PPARD: variants seen among roughly 807,000 people sequenced by gnomAD.
The protein encoded by PPARD is peroxisome proliferator-activated receptor delta.
Under a neutral mutation model 39.5 loss-of-function variants are expected in PPARD, and 6 were observed. That is an observed-to-expected ratio of 0.15 (90% CI 0.08 to 0.30). The LOEUF (loss-of-function observed/expected upper bound fraction) is 0.30, where lower values mean the gene tolerates loss of function less well. Among genes scored for constraint, PPARD ranks in the 10% least tolerant of loss-of-function variants. PPARD has a pLI of 1.00. For synonymous variants in PPARD, 210 were observed against 231.3 expected, an observed-to-expected ratio of 0.91 and a Z score of 0.83; for missense variants, 397 against 596.8, an observed-to-expected ratio of 0.67 and a Z score of 3.49.
intron 2 of PPARD, among the ~76,000 whole-genome samples, chr6:35,406,080 C>T (rs1435524637): frequency 5.3e-5 from 8 of 152,016 alleles, no homozygotes; most frequent in Admixed American, 2.0e-4. Context: ...TGTGCACCAC[C>T]GCACCTATCT....
chr6:35,346,198 G>A (rs542622684), intron 1 of PPARD, among the ~76,000 whole-genome samples: 5 of 152,266 alleles, frequency 3.3e-5, no homozygotes, highest in Admixed American at 1.3e-4. Context: ...CACTTCTAAG[G>A]GCTTCAGCTA....
Position 35,425,541 on chromosome 6 carries a change from A to G in PPARD, c.1079-291A>G. 1.2e-6 allele frequency: 1 copy of G among 819,024 alleles called. No individual in the cohort carries two copies. Among genetic ancestry groups the G allele is most frequent in the South Asian group, 2.0e-5 (1 of 49,844 alleles). The allele number at this position is 819,024 out of a possible 1,614,324, so 50.7% of individuals were successfully genotyped here. A position where few individuals can be genotyped will look rare whatever the true frequency, so the allele number is the denominator to read the frequency against. ...CAGAGAGGCTGAATGACCTGCCTATAGCCTCACAGGCAGACACAGGATTTG... is the reference window on the plus strand; with the variant it reads ...CAGAGAGGCTGAATGACCTGCCTATGGCCTCACAGGCAGACACAGGATTTG... On this transcript the variant is annotated intron_variant, in intron 7 of 7. Coordinates refer to ENST00000360694, the MANE Select transcript of PPARD (RefSeq NM_006238.5). The surrounding 1 kb of genome is among the most constrained non-coding windows in gnomAD (Gnocchi z 4.5).
At chr6:35,368,941 G>A (rs911192505) in intron 2 of PPARD, among the ~76,000 whole-genome samples, 1 of 152,182 alleles carries the variant, frequency 6.6e-6, no homozygotes, top group Non-Finnish European at 1.5e-5. Context: ...TTGCTTGGCT[G>A]TCTGGTTGGT....
At chr6:35,359,466 T>C (rs960295665) in intron 2 of PPARD, among the ~76,000 whole-genome samples, 3 of 152,132 alleles carry the variant, frequency 2.0e-5, no homozygotes, top group Non-Finnish European at 2.9e-5. Flanking sequence ...AGTGTTGGCA[T>C]GGCACTGTGT....
chr6:35,406,926 C>G (rs1406517774), intron 2 of PPARD, among the ~76,000 whole-genome samples: 1 of 152,234 alleles, frequency 6.6e-6, no homozygotes, highest in Non-Finnish European at 1.5e-5. Context: ...GCTTCGTCCT[C>G]TAGCATGTTC....
At chr6:35,418,497 G>A (rs1419669215) in intron 3 of PPARD, among the ~76,000 whole-genome samples, 2 of 152,226 alleles carry the variant, frequency 1.3e-5, no homozygotes, top group Non-Finnish European at 2.9e-5. Flanking sequence ...GTCTGACCAC[G>A]CTGGTGCCCT....
chr6:35,377,645 C>T (rs765874975), intron 2 of PPARD, among the ~76,000 whole-genome samples: 18 of 152,124 alleles, frequency 1.2e-4, no homozygotes, highest in African/African-American at 4.3e-4. Context: ...TGGCAGCGTC[C>T]GGCATGCAGT....
Position 35,394,990 on chromosome 6 carries a change from G to A in PPARD, c.-101-15997G>A, listed in dbSNP as rs185405301. Among the ~76,000 whole-genome samples, 11 of 152,114 alleles carry A rather than the reference G, an allele frequency of 7.2e-5. No homozygotes were observed. In the East Asian group the frequency reaches 1.7e-3, roughly 24 times the overall value. On this transcript the variant is annotated intron_variant, in intron 2 of 7. Coordinates refer to ENST00000360694, the MANE Select transcript of PPARD (RefSeq NM_006238.5). ...AGAGAGGGTAGCAGGTTGCCCAGAGGTACACAGCATAGTAAAGACAGAGCT... is the reference window on the plus strand; with the variant it reads ...AGAGAGGGTAGCAGGTTGCCCAGAGATACACAGCATAGTAAAGACAGAGCT...
intron 1 of PPARD, among the ~76,000 whole-genome samples, chr6:35,343,551 A>C (rs1404171991): frequency 6.6e-6 from 1 of 152,216 alleles, no homozygotes; most frequent in Non-Finnish European, 1.5e-5. Context: ...GGAGGTGTTC[A>C]GACCTTGATC....
intron 3 of PPARD, among the ~76,000 whole-genome samples, chr6:35,411,519 CATT>C (rs1351816930): frequency 6.6e-6 from 1 of 152,156 alleles, no homozygotes; most frequent in Non-Finnish European, 1.5e-5. Flanking sequence ...ATGTCATCAT[CATT>C]ATTAGTATTC....
chr6:35,419,206 C>A (rs970520723), intron 3 of PPARD, among the ~76,000 whole-genome samples: 1 of 152,026 alleles, frequency 6.6e-6, no homozygotes, highest in Non-Finnish European at 1.5e-5. Context: ...AGAGGTTGGA[C>A]GGTCATCATG....
chr6:35,359,915 A>T (rs1429766674), intron 2 of PPARD, among the ~76,000 whole-genome samples: 1 of 152,172 alleles, frequency 6.6e-6, no homozygotes, highest in African/African-American at 2.4e-5. Flanking sequence ...ATTAAAGCCC[A>T]TGTCTTTGAT....
At chr6:35,394,519 T>G (rs1764199710) in intron 2 of PPARD, among the ~76,000 whole-genome samples, 1 of 152,042 alleles carries the variant, frequency 6.6e-6, no homozygotes, top group Non-Finnish European at 1.5e-5. Flanking sequence ...GCCTGTAATC[T>G]CAGCACTTTG....
rs751457727 is a variant in PPARD, at chr6:35,427,116, A to G, written c.*1037A>G. The G allele has an allele frequency of 1.3e-5, 2 of 153,462 alleles. No homozygotes were observed. Among genetic ancestry groups the G allele is most frequent in the Non-Finnish European group, 2.9e-5 (2 of 68,990 alleles). 9.5% of individuals were successfully genotyped at this position (153,462 alleles called of 1,614,324 possible). On this transcript the variant is annotated 3_prime_UTR_variant, in exon 8 of 8. Transcript: ENST00000360694. ...CAGCACTCCCACTGCCCCCCTGCCC[A>G]GTAGCAGCCGCCCACATTGTGTCAG...
rs9658071 is a variant in PPARD, at chr6:35,347,348, A to G, written c.-102+198A>G. ...TAATTATTGAAAGTCTATGGCTTAC[A>G]TAGTTTTTTCAGGAGCATGGAGATT... On this transcript the variant is annotated intron_variant, in intron 2 of 7. Coordinates refer to ENST00000360694, the MANE Select transcript of PPARD (RefSeq NM_006238.5). Among the ~76,000 whole-genome samples the G allele has an allele frequency of 8.5e-4, 129 of 152,288 alleles. 1 individual carries two copies. The East Asian group carries it at 0.022, about 25-fold the overall frequency.
Position 35,420,167 on chromosome 6 carries a change from A to G in PPARD, c.171A>G (p.Gln57=), listed in dbSNP as rs780432619. Residue 57 remains glutamine, a synonymous_variant, in exon 4 of 8, where the codon CAA becomes CAG. Coordinates refer to ENST00000360694, the MANE Select transcript of PPARD (RefSeq NM_006238.5). ...CCTCGCCACCCTCACTGCTGGACCA[A>G]CTGCAGATGGGCTGTGACGGGGCCT... is the stretch of plus-strand genomic sequence containing the variant. ...RSSSPPSLLD[Q]LQMGCDGASC... is the part of the protein sequence containing the mutation. 7.4e-6 allele frequency: 12 copies of G among 1,613,582 alleles called. 1 individual carries two copies. In the South Asian group the frequency reaches 1.1e-4, roughly 15 times the overall value.
chr6:35,380,557 C>T (rs1408245561), intron 2 of PPARD, among the ~76,000 whole-genome samples: 5 of 136,876 alleles, frequency 3.7e-5, no homozygotes, highest in Non-Finnish European at 1.5e-5. Context: ...AGCACAATCT[C>T]GGCTCACTGC....
chr6:35,368,024 C>T (rs1314602174), intron 2 of PPARD, among the ~76,000 whole-genome samples: 1 of 152,242 alleles, frequency 6.6e-6, no homozygotes, highest in Non-Finnish European at 1.5e-5. Context: ...CTCAGACTCA[C>T]AGTCTGTCAT....
intron 2 of PPARD, among the ~76,000 whole-genome samples, chr6:35,396,952 A>G (rs902022580): frequency 6.6e-5 from 10 of 152,050 alleles, no homozygotes; most frequent in Non-Finnish European, 1.5e-4. Flanking sequence ...AGTATTTTCT[A>G]TAATTAGCAT....
Sources: allele counts gnomAD v4.1 joint callset (sites outside exome capture counted in the v4.1 genomes callset), GRCh38; gene constraint gnomAD v4.1.1; non-coding constraint Gnocchi (gnomAD v3.1); transcripts MANE v1.5; gene names NCBI Gene and HGNC (gene_info 2026-07-23, HGNC 2026-07-21).